The following VWF variants were observed in gnomAD, a reference collection of about 807,000 sequenced individuals.
VWF encodes the protein von Willebrand factor, also known as Factor VIII related antigen.
A neutral mutation model predicts 308.6 loss-of-function variants in VWF; 176 were observed. The ratio of observed to expected loss-of-function variants is 0.57; its 90% CI spans 0.50 to 0.65. VWF has a LOEUF of 0.65. Among genes scored for constraint, VWF ranks in the 30% least tolerant of loss-of-function variants. The pLI, the probability that VWF is intolerant of heterozygous loss-of-function variation, is 0.00. For synonymous variants in VWF, 1,385 were observed against 1,443.4 expected, an observed-to-expected ratio of 0.96 and a Z score of 0.92; for missense variants, 3,146 against 3,648.2, an observed-to-expected ratio of 0.86 and a Z score of 3.55.
intron 31 of VWF, among the ~76,000 whole-genome samples, chr12:6,015,216 T>A (rs1240288344): frequency 6.6e-6 from 1 of 152,204 alleles, no homozygotes; most frequent in Non-Finnish European, 1.5e-5. Flanking sequence ...CATACACAGA[T>A]GATACAAAAA....
At position 6,046,792 on chromosome 12, in the gene VWF, A is replaced by C. The variant is rs1944450980; in HGVS notation, c.2212T>G (p.Cys738Gly). The C allele has an allele frequency of 6.2e-7, 1 of 1,614,032 alleles. No homozygotes were observed. ...CTTCCGGGGACTCCACTCATGGTAC[A>C]GTGCATGAAGCCATCCTCACAGTAG... ...MCYCEDGFMH[C>G]TMSGVPGSLL... is the part of the protein sequence containing the mutation. Residue 738 changes from cysteine (C) to glycine (G), a missense_variant, in exon 17 of 52, where the codon TGT becomes GGT. This residue lies in a region of VWF where 1,304 missense variants were observed against 1,353.0 expected (regional missense o/e 0.96). Transcript: ENST00000261405. This position sits in a 1 kb window ranked among gnomAD's most constrained non-coding sequence, Gnocchi z 5.0.
chr12:6,065,530 C>G (rs955754244), intron 10 of VWF, among the ~76,000 whole-genome samples: 2 of 152,238 alleles, frequency 1.3e-5, no homozygotes, highest in Non-Finnish European at 2.9e-5. Flanking sequence ...CAGAGCCACA[C>G]TCAGTCAGTG....
chr12:6,081,161 C>G (rs956602054), intron 6 of VWF, among the ~76,000 whole-genome samples: 1 of 152,216 alleles, frequency 6.6e-6, no homozygotes, highest in Admixed American at 6.5e-5. Flanking sequence ...CCTAGCCCAC[C>G]TAAAGTACTT....
chr12:5,964,600 C>T (rs1305754099), intron 47 of VWF, among the ~76,000 whole-genome samples: 1 of 152,164 alleles, frequency 6.6e-6, no homozygotes, highest in East Asian at 1.9e-4. Flanking sequence ...ATTTGGAGCA[C>T]CCAGACAGAC....
At position 6,019,535 on chromosome 12, in the gene VWF, C is replaced by T; in HGVS notation, c.3883G>A (p.Val1295Met). Residue 1295 changes from valine (V) to methionine (M), a missense_variant, in exon 28 of 52, where the codon GTG (valine) becomes ATG (methionine). By Grantham distance (21) the Val-to-Met change is conservative (BLOSUM62 1). Transcript: ENST00000261405. The surrounding 1 kb of genome is among the most constrained non-coding windows in gnomAD (Gnocchi z 5.8). ...SSRLSEAEFE[V>M]LKAFVVDMME... is the part of the protein sequence containing the mutation. ...ATGTCCACCACAAAGGCCTTCAGCA[C>T]TTCAAACTCAGCCTCGGACAGCCTG... 1 of 1,613,998 alleles carries T rather than the reference C, an allele frequency of 6.2e-7. No individual in the cohort carries two copies. Among genetic ancestry groups the T allele is most frequent in the Non-Finnish European group, 8.5e-7 (1 of 1,179,870 alleles).
At chr12:6,054,302 G>C (rs76893273) in intron 15 of VWF, among the ~76,000 whole-genome samples, 5,737 of 152,276 alleles carry the variant, frequency 0.038, 246 homozygotes, top group African/African-American at 0.11. Context: ...TGCAAGAATG[G>C]AAAGGTTGGA....
At chr12:6,072,259 C>T in intron 9 of VWF, 72 bp downstream of exon 9, 5 of 1,421,814 alleles carry the variant, frequency 3.5e-6, no homozygotes, top group Non-Finnish European at 5.0e-6. Flanking sequence ...CTGCCACCAC[C>T]CCTGCTGACC....
intron 34 of VWF, among the ~76,000 whole-genome samples, chr12:6,003,979 C>T (rs12146791): frequency 1.3e-5 from 2 of 151,998 alleles, no homozygotes; most frequent in South Asian, 4.2e-4. Flanking sequence ...CCACGCCCGG[C>T]TAATTTTTTG....
At chr12:6,005,963 A>G (rs1257400968) in intron 34 of VWF, among the ~76,000 whole-genome samples, 1 of 148,224 alleles carries the variant, frequency 6.7e-6, no homozygotes, top group African/African-American at 2.5e-5. Context: ...ACAAATATAG[A>G]ATATTTTAAT....
At chr12:5,964,215 T>TC (rs1943355014) in intron 47 of VWF, among the ~76,000 whole-genome samples, 3 of 108,792 alleles carry the variant, frequency 2.8e-5, no homozygotes, top group Non-Finnish European at 5.6e-5. Context: ...AGACTCTGTC[T>TC]AAAAATACAT....
chr12:6,056,929 C>A lies in VWF; in HGVS notation c.1873G>T (p.Ala625Ser). 6.5e-7 allele frequency: 1 copy of A among 1,534,540 alleles called. No homozygotes were observed. The highest frequency in any genetic ancestry group is 8.7e-7 in the Non-Finnish European group (1 of 1,145,984). ...CSDGRECLCG[A>S]LASYAAACAG... Reference sequence around the variant, plus strand: ...CAGGCCGCGGCATAGCTGGCCAGGGCGCCGCACAGGCACTCGCGGCCGTCC... The same window carrying A: ...CAGGCCGCGGCATAGCTGGCCAGGGAGCCGCACAGGCACTCGCGGCCGTCC... Residue 625 changes from alanine (A) to serine (S), a missense_variant, in exon 15 of 52, where the codon GCC becomes TCC. By Grantham distance (99) the Ala-to-Ser change is moderately conservative. Transcript: ENST00000261405.
At chr12:6,119,983 G>A (rs1026258796) in intron 3 of VWF, among the ~76,000 whole-genome samples, 1 of 152,228 alleles carries the variant, frequency 6.6e-6, no homozygotes, top group African/African-American at 2.4e-5. Flanking sequence ...GCAGTGCCCA[G>A]AAGTCATATG....
At chr12:6,072,565 T>C in intron 8 of VWF, 123 bp from the exon 9 acceptor site, 1 of 796,058 alleles carries the variant, frequency 1.3e-6, no homozygotes, top group South Asian at 1.4e-5. Context: ...ACTTGTTCTG[T>C]GGTGTTTATC....
At chr12:5,993,143 C>A (rs1265275382) in intron 37 of VWF, among the ~76,000 whole-genome samples, 2 of 152,166 alleles carry the variant, frequency 1.3e-5, no homozygotes, top group African/African-American at 2.4e-5. Context: ...GAGGCTCTAA[C>A]AGGCATGTAC....
intron 42 of VWF, among the ~76,000 whole-genome samples, chr12:5,981,279 A>G (rs1943602300): frequency 6.6e-6 from 1 of 151,988 alleles, no homozygotes; most frequent in East Asian, 1.9e-4. Context: ...TTGTAATCTC[A>G]CCTACTCGTG....
chr12:6,116,124 G>T (rs186114906), intron 3 of VWF, among the ~76,000 whole-genome samples: 1 of 152,072 alleles, frequency 6.6e-6, no homozygotes, highest in Admixed American at 6.5e-5. Flanking sequence ...AGAAATCGCC[G>T]GTGAGCCCAG....
At chr12:6,016,377 G>A in intron 30 of VWF, 139 bp downstream of exon 30, 1 of 1,434,994 alleles carries the variant, frequency 7.0e-7, no homozygotes, top group Non-Finnish European at 9.6e-7. Context: ...AGACGTGGAA[G>A]AGCATCTAGC....
chr12:5,994,689 C>A, intron 35 of VWF, 82 bp from the exon 36 acceptor site: 1 of 1,211,188 alleles, frequency 8.3e-7, no homozygotes, highest in Non-Finnish European at 1.2e-6. Context: ...AGAGTTCCTG[C>A]ACATTCATCA....
chr12:5,960,633 A>G (rs1943303497), intron 47 of VWF, among the ~76,000 whole-genome samples: 1 of 152,194 alleles, frequency 6.6e-6, no homozygotes, highest in Non-Finnish European at 1.5e-5. Context: ...ACAGGATAAC[A>G]CGTCATGAAG....
Sources: gnomAD v4.1 joint callset for allele counts (sites outside exome capture counted in the v4.1 genomes callset) on GRCh38, gnomAD v4.1.1 for gene constraint, gnomAD v4.1.1 regional missense constraint, Gnocchi (gnomAD v3.1) non-coding constraint, MANE v1.5 for transcripts, NCBI Gene and HGNC (gene_info 2026-07-23, HGNC 2026-07-21) for gene names.